The following STRA6 variants were observed in gnomAD, a reference collection of about 807,000 sequenced individuals.
STRA6 encodes receptor for retinol uptake STRA6.
In STRA6, 48 loss-of-function variants were observed where a neutral mutation model predicts 83.6. The observed-to-expected ratio is 0.57, with a 90% CI of 0.46 to 0.73. The LOEUF (loss-of-function observed/expected upper bound fraction) is 0.73. STRA6 is among the 30% of genes least tolerant of loss of function. The pLI is 0.00. For synonymous variants in STRA6, 353 were observed against 362.3 expected (o/e 0.97, Z 0.29); for missense variants, 760 against 838.8 (o/e 0.91, Z 1.16).
intron 1 of STRA6, 152 bp from the exon 2 acceptor site, chr15:74,202,434 A>AAAGCCCGTCTGGGACTGAGGGCC: frequency 6.5e-7 from 1 of 1,536,680 alleles, no homozygotes; most frequent in East Asian, 2.4e-5. Context: ...CTCTCTGGGA[A>AAAGCCCGTCTGGGACTGAGGGCC]AAGCCCGTCT....
intron 17 of STRA6, 133 bp downstream of exon 17, chr15:74,181,162 G>A: frequency 7.0e-7 from 1 of 1,423,762 alleles, no homozygotes; most frequent in Non-Finnish European, 9.6e-7. Flanking sequence ...CAGCGCAGGG[G>A]CACACAGGTG....
chr15:74,208,165 G>T, intron 1 of STRA6: 1 of 645,980 alleles, frequency 1.5e-6, no homozygotes, highest in Non-Finnish European at 2.0e-6. Flanking sequence ...AGAGGGCTAG[G>T]CTAGTACTGA....
Position 74,202,363 on chromosome 15 carries a change from C to T in STRA6, c.-15-81G>A, listed in dbSNP as rs1048620721. Reference sequence around the variant, plus strand: ...AAAGAGAAAAAAAAAGAAAGAAAGACGGAAAACCCAAACAAAGAAACATTT... The same window carrying T: ...AAAGAGAAAAAAAAAGAAAGAAAGATGGAAAACCCAAACAAAGAAACATTT... On this transcript the variant is annotated intron_variant, in intron 1 of 18. Transcript: ENST00000395105. 8 of 1,554,096 alleles carry T rather than the reference C, an allele frequency of 5.1e-6. No individual in the cohort carries two copies. In the African/African-American group the frequency reaches 8.2e-5, roughly 16 times the overall value.
intron 2 of STRA6, among the ~76,000 whole-genome samples, chr15:74,200,291 G>A (rs963407653): frequency 2.0e-4 from 31 of 152,206 alleles, no homozygotes; most frequent in African/African-American, 6.0e-4. Context: ...TCCAGGTGGA[G>A]GGAAGTGCAT....
At chr15:74,200,017 G>A (rs1356323184) in intron 2 of STRA6, among the ~76,000 whole-genome samples, 3 of 152,166 alleles carry the variant, frequency 2.0e-5, no homozygotes, top group African/African-American at 7.2e-5. Flanking sequence ...AAGAGTTTGA[G>A]ACCAGCCTGG....
upstream of STRA6, among the ~76,000 whole-genome samples, chr15:74,210,564 GA>G (rs1349304692): frequency 6.6e-6 from 1 of 152,254 alleles, no homozygotes; most frequent in Non-Finnish European, 1.5e-5. Flanking sequence ...ACACTTGGGG[GA>G]GGGGTGAATT....
intron 14 of STRA6, chr15:74,183,366 C>T: frequency 3.1e-6 from 1 of 321,222 alleles, no homozygotes; most frequent in Non-Finnish European, 4.9e-6. Flanking sequence ...CTGCCTCATC[C>T]TCCCGAATAG....
chr15:74,203,309 G>A (rs942728809), upstream of STRA6: 9 of 656,108 alleles, frequency 1.4e-5, no homozygotes, highest in Non-Finnish European at 1.7e-5. Flanking sequence ...GTAGGCAAGA[G>A]GAGCCCCGCC....
chr15:74,202,345 A>G lies in STRA6; in HGVS notation c.-15-63T>C, dbSNP rs550623591. ...GATGTGAAAAGAGGCTTAAAAGAGA[A>G]AAAAAAAGAAAGAAAGACGGAAAAC... On this transcript the variant is annotated intron_variant, in intron 1 of 18. Transcript: ENST00000395105. 3 of 1,528,858 alleles carry G rather than the reference A, an allele frequency of 2.0e-6. No individual in the cohort carries two copies. In the East Asian group the frequency reaches 6.8e-5, roughly 35 times the overall value. The allele number at this position is 1,528,858 out of a possible 1,614,324, so 94.7% of individuals were successfully genotyped here.
chr15:74,190,365 A>G (rs763784070), intron 11 of STRA6, among the ~76,000 whole-genome samples: 8 of 151,930 alleles, frequency 5.3e-5, no homozygotes, highest in Non-Finnish European at 1.2e-4. Flanking sequence ...CCATCTGTAA[A>G]GTGGAGAATA....
chr15:74,190,748 C>CT, intron 11 of STRA6, 92 bp downstream of exon 11: 2 of 1,594,488 alleles, frequency 1.3e-6, no homozygotes, highest in Non-Finnish European at 1.7e-6. Context: ...GATGGAGCAC[C>CT]TGGAGAGCTG....
intron 12 of STRA6, 112 bp downstream of exon 12, chr15:74,189,003 A>C: frequency 3.8e-6 from 5 of 1,300,310 alleles, no homozygotes; most frequent in Non-Finnish European, 5.4e-6. Flanking sequence ...AGAGAGAGGA[A>C]GGAATGTGTC....
At position 74,181,355 on chromosome 15, in the gene STRA6, T is replaced by A. The variant is rs141168559; in HGVS notation, c.1624A>T (p.Ile542Phe). 181 of 1,612,898 alleles carry A rather than the reference T, an allele frequency of 1.1e-4. No homozygotes were observed. The highest frequency in any genetic ancestry group is 1.5e-4 in the Non-Finnish European group (179 of 1,179,766). ...CTGAGGTCCATCTGGCCAAGGTGGA[T>A]GGCGTTGTAGAGGGCAGAGAGGAGC... Reference protein sequence around the residue: ...RVLLSALYNAIHLGQMDLSLL... With the variant: ...RVLLSALYNAFHLGQMDLSLL... Residue 542 changes from isoleucine (I) to phenylalanine (F), a missense_variant, in exon 17 of 19, where the codon ATC becomes TTC. By Grantham distance (21) the Ile-to-Phe change is conservative (BLOSUM62 0). Coordinates refer to ENST00000395105, the MANE Select transcript of STRA6 (RefSeq NM_022369.4).
Position 74,197,321 on chromosome 15 carries a change from C to G in STRA6, c.266+17G>C, listed in dbSNP as rs2073863175. On this transcript the variant is annotated intron_variant, in intron 4 of 18. Coordinates refer to ENST00000395105, the MANE Select transcript of STRA6 (RefSeq NM_022369.4). ...GCTGGGTCCCCTGAGTGGGGGTGCCCAGGCCATGGTACAAACCTGGGCAGG... is the reference window on the plus strand; with the variant it reads ...GCTGGGTCCCCTGAGTGGGGGTGCCGAGGCCATGGTACAAACCTGGGCAGG... 1 of 1,547,400 alleles carries G rather than the reference C, an allele frequency of 6.5e-7. No homozygotes were observed. The highest frequency in any genetic ancestry group is 8.7e-7 in the Non-Finnish European group (1 of 1,144,404).
At chr15:74,209,644 G>C (rs573682061), upstream of STRA6, 47 of 578,038 alleles carry the variant, frequency 8.1e-5, no homozygotes, top group South Asian at 9.5e-4. Flanking sequence ...TTCACCCCAA[G>C]TACATGCCTG....
At chr15:74,181,183 C>T in intron 17 of STRA6, 112 bp downstream of exon 17, 1 of 1,498,842 alleles carries the variant, frequency 6.7e-7, no homozygotes. Flanking sequence ...GCACATGCAG[C>T]TACAGGCATC....
upstream of STRA6, chr15:74,202,853 C>G: frequency 1.9e-6 from 2 of 1,044,930 alleles, no homozygotes; most frequent in Non-Finnish European, 2.3e-6. Flanking sequence ...CCTTTCTGGC[C>G]CCTTTGGGCC....
intron 11 of STRA6, 63 bp downstream of exon 11, chr15:74,190,777 C>G: frequency 6.2e-7 from 1 of 1,612,648 alleles, no homozygotes; most frequent in Non-Finnish European, 8.5e-7. Flanking sequence ...CGGAACTGCT[C>G]CAGGCTTGGG....
At chr15:74,186,258 A>G (rs1418787559) in intron 12 of STRA6, among the ~76,000 whole-genome samples, 2 of 152,254 alleles carry the variant, frequency 1.3e-5, no homozygotes, top group Admixed American at 1.3e-4. Context: ...TATTTCCATC[A>G]GAAATGAATT....
Sources: allele counts gnomAD v4.1 joint callset (sites outside exome capture counted in the v4.1 genomes callset), GRCh38; gene constraint gnomAD v4.1.1; transcripts MANE v1.5; gene names NCBI Gene and HGNC (gene_info 2026-07-23, HGNC 2026-07-21).